Variants in PKD2 observed in about 807,000 individuals in gnomAD.
PKD2 encodes the protein polycystin-2.
PKD2 carries 48 observed loss-of-function variants against 105.9 expected under a neutral mutation model. The observed-to-expected ratio is 0.45, with a 90% confidence interval of 0.36 to 0.58. The LOEUF (loss-of-function observed/expected upper bound fraction) is 0.58. Among genes scored for constraint, PKD2 ranks in the 20% least tolerant of loss-of-function variants. PKD2 has a pLI of 0.00. For synonymous variants in PKD2, 464 were observed against 481.1 expected (o/e 0.96, Z 0.46); for missense variants, 1,078 against 1,255.3 (o/e 0.86, Z 2.13).
intron 13 of PKD2, among the ~76,000 whole-genome samples, chr4:88,070,647 C>T (rs970702179): frequency 8.8e-6 from 1 of 112,996 alleles, no homozygotes; most frequent in Non-Finnish European, 2.0e-5. Context: ...GAGAGAGAGA[C>T]AGGGAGACAG....
intron 2 of PKD2, among the ~76,000 whole-genome samples, chr4:88,026,492 A>C (rs1726962044): frequency 6.6e-6 from 1 of 152,168 alleles, no homozygotes; most frequent in African/African-American, 2.4e-5. Context: ...GATGGTTTGA[A>C]ATTGGAACTT....
chr4:88,038,097 A>T (rs575965448), intron 3 of PKD2, among the ~76,000 whole-genome samples, 154 bp from the exon 4 acceptor site: 2 of 152,236 alleles, frequency 1.3e-5, no homozygotes, highest in African/African-American at 4.8e-5. Context: ...ATGGGGCAAG[A>T]TGCTATCCCA....
At chr4:88,030,850 T>A (rs1232908898) in intron 2 of PKD2, among the ~76,000 whole-genome samples, 1 of 152,250 alleles carries the variant, frequency 6.6e-6, no homozygotes. Context: ...TGTTTCCATT[T>A]CTTGTTCACT....
rs529945469 is a variant in PKD2, at chr4:88,065,419, G to A, written c.2164G>A (p.Val722Met). The part of the protein sequence containing the change: ...LVKLKLKKNT[V>M]DDISESLRQG... ...CAAACTAAAACTGAAAAAAAATACC[G>A]TGGATGACATTTCAGAGAGTCTGCG... Residue 722 changes from valine (V) to methionine (M), a missense_variant, in exon 11 of 15, where the codon GTG becomes ATG. By Grantham distance (21) the Val-to-Met change is conservative. Coordinates refer to ENST00000237596, the MANE Select transcript of PKD2 (RefSeq NM_000297.4). The A allele has an allele frequency of 1.3e-5, 21 of 1,612,026 alleles. No homozygotes were observed. Among genetic ancestry groups the A allele is most frequent in the East Asian group, 4.5e-5 (2 of 44,880 alleles).
intron 3 of PKD2, 68 bp from the exon 4 acceptor site, chr4:88,038,183 C>T (rs1311184179): frequency 1.7e-5 from 26 of 1,542,468 alleles, no homozygotes; most frequent in African/African-American, 6.9e-5. Flanking sequence ...GTTATGCAAA[C>T]GATGCAGGCA....
At position 88,013,345 on chromosome 4, in the gene PKD2, G is replaced by T. The variant is rs149502984; in HGVS notation, c.595+5017G>T. Among the ~76,000 whole-genome samples, 589 of 152,264 alleles carry T rather than the reference G, an allele frequency of 3.9e-3. 2 individuals are homozygous for T. The highest frequency in any genetic ancestry group is 7.4e-3 in the Non-Finnish European group (501 of 68,020). On this transcript the variant is annotated intron_variant, in intron 1 of 14. Transcript: ENST00000237596. ...GGTCTCGACCTTCAAGGAGCTCAGGGTTTAGTAGGGAAAACAGAGGTATAA... is the reference window on the plus strand; with the variant it reads ...GGTCTCGACCTTCAAGGAGCTCAGGTTTTAGTAGGGAAAACAGAGGTATAA...
At chr4:88,014,883 C>G (rs1326177321) in intron 1 of PKD2, among the ~76,000 whole-genome samples, 7 of 152,178 alleles carry the variant, frequency 4.6e-5, no homozygotes, top group African/African-American at 1.7e-4. Context: ...AATAATATTT[C>G]TGTTTCCCAG....
rs1187854221 is a variant in PKD2 at position 88,056,178 on chromosome 4, G to A, written c.1809G>A (p.Met603Ile). 2 of 1,613,432 alleles carry A rather than the reference G, an allele frequency of 1.2e-6. No homozygotes were observed. The highest frequency in any genetic ancestry group is 4.5e-5 in the East Asian group (2 of 44,888). Residue 603 changes from methionine (M) to isoleucine (I), a missense_variant, in exon 8 of 15, where the codon ATG becomes ATA. By Grantham distance (10) the Met-to-Ile change is conservative. Transcript: ENST00000237596. ...CAKDLFGFAI[M>I]FFIIFLAYAQ... Reference sequence around the variant, plus strand: ...AAGACCTGTTTGGCTTTGCTATTATGTTCTTCATTATTTTCCTAGCGTATG... The same window carrying A: ...AAGACCTGTTTGGCTTTGCTATTATATTCTTCATTATTTTCCTAGCGTATG...
chr4:88,066,464 C>T (rs1375574607), intron 12 of PKD2, among the ~76,000 whole-genome samples: 7 of 151,084 alleles, frequency 4.6e-5, no homozygotes, highest in African/African-American at 1.7e-4. Context: ...CGGGTTCAAG[C>T]GATTCTCTTG....
Position 88,051,944 on chromosome 4 carries a change from C to T in PKD2, c.1549-47C>T, listed in dbSNP as rs75331451. On this transcript the variant is annotated intron_variant, in intron 6 of 14. Coordinates refer to ENST00000237596, the MANE Select transcript of PKD2 (RefSeq NM_000297.4). ...ATACTAGTCATATTAAGGTAAGTTT[C>T]ATATTTCTAAAACACTGTAATAAAA... 4,622 of 1,094,554 alleles carry T rather than the reference C, an allele frequency of 4.2e-3. 145 individuals are homozygous for T. In the African/African-American group the frequency reaches 0.064, roughly 15 times the overall value. The allele number at this position is 1,094,554 out of a possible 1,614,324, so 67.8% of individuals were successfully genotyped here.
intron 5 of PKD2, among the ~76,000 whole-genome samples, chr4:88,045,733 A>G (rs998463088): frequency 1.3e-5 from 2 of 152,178 alleles, no homozygotes; most frequent in African/African-American, 4.8e-5. Context: ...TGGATGTAAA[A>G]TAGTGTATGT....
intron 10 of PKD2, among the ~76,000 whole-genome samples, chr4:88,062,980 C>T (rs760016868): frequency 6.6e-6 from 1 of 152,212 alleles, no homozygotes; most frequent in Non-Finnish European, 1.5e-5. Flanking sequence ...CCTTCAACAA[C>T]ACAGTTCAAA....
At chr4:88,010,098 T>TA (rs1471198718) in intron 1 of PKD2, among the ~76,000 whole-genome samples, 2 of 151,842 alleles carry the variant, frequency 1.3e-5, no homozygotes, top group East Asian at 3.9e-4. Context: ...TCGGGAATTT[T>TA]TTTTTTTTTT....
rs747259384 is a variant in PKD2 at position 88,008,107 on chromosome 4, C to G, written c.374C>G (p.Ser125Trp). ...DVEWRPGSRR[S>W]AASSAVSSVG... Reference sequence around the variant, plus strand: ...GAGTGGCGCCCGGGCAGCCGGAGGTCGGCCGCCTCCTCGGCCGTGAGCTCC... The same window carrying G: ...GAGTGGCGCCCGGGCAGCCGGAGGTGGGCCGCCTCCTCGGCCGTGAGCTCC... Residue 125 changes from serine to tryptophan, a missense_variant, in exon 1 of 15, where the codon TCG (serine) becomes TGG (tryptophan). Ser to Trp is a radical substitution (Grantham distance 177). This residue lies in a region of PKD2 where 210 missense variants were observed against 187.9 expected (regional missense o/e 1.12). Coordinates refer to ENST00000237596, the MANE Select transcript of PKD2 (RefSeq NM_000297.4). The G allele has an allele frequency of 6.6e-7, 1 of 1,513,706 alleles. No homozygotes were observed. The allele number at this position is 1,513,706 out of a possible 1,614,324, so 93.8% of individuals were successfully genotyped here. A position where few individuals can be genotyped will look rare whatever the true frequency, so the allele number is the denominator to read the frequency against.
chr4:88,051,019 G>A (rs1720076959), intron 6 of PKD2, among the ~76,000 whole-genome samples: 1 of 152,202 alleles, frequency 6.6e-6, no homozygotes, highest in Non-Finnish European at 1.5e-5. Flanking sequence ...CAGCCCACCT[G>A]CTGCAGATTC....
At position 88,043,414 on chromosome 4, in the gene PKD2, T is replaced by C. The variant is rs1560612017; in HGVS notation, c.1276T>C (p.Phe426Leu). The C allele has an allele frequency of 6.2e-7, 1 of 1,613,960 alleles. No homozygotes were observed. The highest frequency in any genetic ancestry group is 1.3e-5 in the African/African-American group (1 of 75,022). The part of the protein sequence containing the change: ...DRGTRATFID[F>L]SVYNANINLF... ...AGGAACCAGGGCAACTTTTATTGAC[T>C]TCTCAGTGTACAACGCCAACATTAA... The change falls in exon 5 of 15, where the codon TTC becomes CTC. Residue 426 changes from phenylalanine to leucine, a missense_variant. By Grantham distance (22) the Phe-to-Leu change is conservative. Coordinates refer to ENST00000237596, the MANE Select transcript of PKD2 (RefSeq NM_000297.4).
rs1270240896 is a variant in PKD2 at position 88,021,653 on chromosome 4, T to TA, written c.709+2083dup. Among the ~76,000 whole-genome samples, 6 of 152,324 alleles carry TA rather than the reference T, an allele frequency of 3.9e-5. No individual in the cohort carries two copies. The East Asian group carries it at 1.2e-3, about 29-fold the overall frequency. ...AACAAGAGTCCCAGGTTAAGGGACT[T>TA]ACTTCTTTGAAATCGTTCATTTCAT... On this transcript the variant is annotated intron_variant, in intron 2 of 14. Transcript: ENST00000237596.
At chr4:88,014,483 C>T (rs865995500) in intron 1 of PKD2, among the ~76,000 whole-genome samples, 1 of 56,648 alleles carries the variant, frequency 1.8e-5, no homozygotes, top group Non-Finnish European at 3.3e-5. Context: ...AAGACACTGT[C>T]TCTAAAAAAA....
intron 2 of PKD2, among the ~76,000 whole-genome samples, chr4:88,024,138 A>G (rs916173730): frequency 2.0e-5 from 3 of 152,194 alleles, no homozygotes; most frequent in Non-Finnish European, 4.4e-5. Flanking sequence ...AGTTCAAGAA[A>G]GGAATAAAGA....
Sources: gnomAD v4.1 joint callset for allele counts (sites outside exome capture counted in the v4.1 genomes callset) on GRCh38, gnomAD v4.1.1 for gene constraint, gnomAD v4.1.1 regional missense constraint, MANE v1.5 for transcripts, NCBI Gene and HGNC (gene_info 2026-07-23, HGNC 2026-07-21) for gene names.